EBF3: variants seen among roughly 807,000 people sequenced by gnomAD.
The protein encoded by EBF3 is EBF transcription factor 3.
Under a neutral mutation model 77.1 loss-of-function variants are expected in EBF3, and 18 were observed. The ratio of observed to expected loss-of-function variants is 0.23; its 90% CI spans 0.16 to 0.35. EBF3 has a LOEUF of 0.35. Among genes scored for constraint, EBF3 ranks in the 10% least tolerant of loss-of-function variants. The pLI, the probability that EBF3 is intolerant of heterozygous loss-of-function variation, is 1.00. For synonymous variants in EBF3, 350 were observed against 343.5 expected, an observed-to-expected ratio of 1.02 and a Z score of -0.21; for missense variants, 558 against 860.0, an observed-to-expected ratio of 0.65 and a Z score of 4.39.
chr10:129,888,263 C>G (rs1236698108), intron 6 of EBF3, among the ~76,000 whole-genome samples: 1 of 152,228 alleles, frequency 6.6e-6, no homozygotes, highest in African/African-American at 2.4e-5. Context: ...AGTCAACAGA[C>G]TGAAGGGCCC....
chr10:129,956,079 T>C (rs980908731), intron 6 of EBF3, among the ~76,000 whole-genome samples: 1 of 152,230 alleles, frequency 6.6e-6, no homozygotes, highest in Non-Finnish European at 1.5e-5. Context: ...ATTTGATTAC[T>C]AATAAGAGAG....
In EBF3 at chr10:129,943,991, C is replaced by A. The variant is rs180794068; in HGVS notation, c.554+13267G>T. On this transcript the variant is annotated intron_variant, in intron 6 of 16. Coordinates refer to ENST00000440978, the MANE Select transcript of EBF3 (RefSeq NM_001375380.1). The surrounding 1 kb of genome is among the most constrained non-coding windows in gnomAD (Gnocchi z 8.8). ...TCTCCCCAGACCTTCCCACCCTATG[C>A]GTGATTTCTGAGTTGATTAACATTT... Among the ~76,000 whole-genome samples the A allele has an allele frequency of 1.3e-5, 2 of 152,290 alleles. No homozygotes were observed. The highest frequency in any genetic ancestry group is 2.1e-4 in the South Asian group (1 of 4,830).
At chr10:129,893,409 A>G (rs1854154219) in intron 6 of EBF3, among the ~76,000 whole-genome samples, 1 of 152,230 alleles carries the variant, frequency 6.6e-6, no homozygotes, top group African/African-American at 2.4e-5. Context: ...TAATATGCAA[A>G]TTTTGTAAAA....
intron 6 of EBF3, among the ~76,000 whole-genome samples, chr10:129,905,568 C>T (rs1855084618): frequency 6.6e-6 from 1 of 152,134 alleles, no homozygotes; most frequent in South Asian, 2.1e-4. Flanking sequence ...TGGGTCTCTC[C>T]AAGGACTGAC....
chr10:129,916,124 G>A (rs141859614), intron 6 of EBF3, among the ~76,000 whole-genome samples: 347 of 152,300 alleles, frequency 2.3e-3, no homozygotes, highest in African/African-American at 7.8e-3. Context: ...GGGCAGGGCC[G>A]GCCCTCACTG....
chr10:129,875,186 TC>T (rs1391944184), intron 7 of EBF3, among the ~76,000 whole-genome samples: 12 of 140,494 alleles, frequency 8.5e-5, no homozygotes, highest in East Asian at 2.0e-4. Flanking sequence ...GATGGCTTCT[TC>T]TTTTTTTTTT....
chr10:129,954,815 G>A lies in EBF3; in HGVS notation c.554+2443C>T, dbSNP rs12412505. Reference sequence around the variant, plus strand: ...AATGAGACACTGCTGATGGGGACCTGGAAACTGACTCCCCAGTCTGGTGGG... The same window carrying A: ...AATGAGACACTGCTGATGGGGACCTAGAAACTGACTCCCCAGTCTGGTGGG... On this transcript the variant is annotated intron_variant, in intron 6 of 16. Transcript: ENST00000440978. Among the ~76,000 whole-genome samples, 1,401 of 152,234 alleles carry A rather than the reference G, an allele frequency of 9.2e-3. 89 individuals carry two copies. The highest frequency in any genetic ancestry group is 0.079 in the Admixed American group (1,208 of 15,278).
Position 129,843,133 on chromosome 10 carries a change from C to T in EBF3, c.1194+4G>A. On this transcript the variant is annotated splice_donor_region_variant and intron_variant, in intron 12 of 16. Coordinates refer to ENST00000440978, the MANE Select transcript of EBF3 (RefSeq NM_001375380.1). ...ATGGGCGAGGGGAGCCGCCCTCCACCTACCTGGTTGTTGTGAGGCATTCCG... is the reference window on the plus strand; with the variant it reads ...ATGGGCGAGGGGAGCCGCCCTCCACTTACCTGGTTGTTGTGAGGCATTCCG... 6.2e-7 allele frequency: 1 copy of T among 1,613,004 alleles called. No individual in the cohort carries two copies. The highest frequency in any genetic ancestry group is 8.5e-7 in the Non-Finnish European group (1 of 1,179,346).
rs1007871702 is a variant in EBF3, at chr10:129,952,323, T to TA, written c.554+4934dup. Among the ~76,000 whole-genome samples, 8 of 152,352 alleles carry TA rather than the reference T, an allele frequency of 5.3e-5. No homozygotes were observed. The highest frequency in any genetic ancestry group is 1.9e-4 in the African/African-American group (8 of 41,582). ...GACAAGTTGTCATTTAAGAAGTTAA[T>TA]AAACAGTCTCCGTTTTGCAGGTTAT... is the stretch of plus-strand genomic sequence containing the variant. On this transcript the variant is annotated intron_variant, in intron 6 of 16. Transcript: ENST00000440978. This position sits in a 1 kb window ranked among gnomAD's most constrained non-coding sequence, Gnocchi z 4.7.
rs575851231 is a variant in EBF3 at position 129,837,908 on chromosome 10, C to T, written c.*35G>A. 4.1e-5 allele frequency: 66 copies of T among 1,614,060 alleles called. No homozygotes were observed. In the East Asian group the frequency reaches 6.5e-4, roughly 16 times the overall value. On this transcript the variant is annotated 3_prime_UTR_variant, in exon 17 of 17. Coordinates refer to ENST00000440978, the MANE Select transcript of EBF3 (RefSeq NM_001375380.1). ...GTCCGTCCTTTGATGCTGGGTGCTG[C>T]GGAAGGTAAACAGAAGTCCCTCACA...
intron 6 of EBF3, among the ~76,000 whole-genome samples, chr10:129,886,033 ATTTTTTTTTTTTTTTT>A (rs59542647): frequency 1.6e-5 from 2 of 126,294 alleles, no homozygotes; most frequent in East Asian, 2.7e-4. Context: ...TTTGGTTTTA[ATTTTTTTTTTTTTTTT>A]TTTTTTTTTT....
chr10:129,889,802 CAAAAAAAAA>C (rs57252162), intron 6 of EBF3, among the ~76,000 whole-genome samples: 1 of 114,918 alleles, frequency 8.7e-6, no homozygotes, highest in Admixed American at 9.1e-5. Flanking sequence ...GTCACATCTG[CAAAAAAAAA>C]AAAAAAAAAT....
intron 6 of EBF3, among the ~76,000 whole-genome samples, chr10:129,924,558 T>C (rs564655518): frequency 2.0e-5 from 3 of 152,042 alleles, no homozygotes; most frequent in Non-Finnish European, 4.4e-5. Context: ...GAAAATAGTA[T>C]GGCAGCTCCT....
intron 7 of EBF3, among the ~76,000 whole-genome samples, chr10:129,876,044 T>A (rs1178311913): frequency 6.6e-6 from 1 of 152,250 alleles, no homozygotes; most frequent in Non-Finnish European, 1.5e-5. Flanking sequence ...AAAAAGTTTT[T>A]AAAGACACAG....
chr10:129,955,466 C>T (rs917965186), intron 6 of EBF3, among the ~76,000 whole-genome samples: 35 of 152,198 alleles, frequency 2.3e-4, no homozygotes, highest in Non-Finnish European at 2.9e-5. Flanking sequence ...CAAATAATCA[C>T]ACACTTCTCT....
chr10:129,941,579 G>T (rs1327662868), intron 6 of EBF3, among the ~76,000 whole-genome samples: 1 of 152,096 alleles, frequency 6.6e-6, no homozygotes, highest in Non-Finnish European at 1.5e-5. Flanking sequence ...GGTCAGGGGG[G>T]AGCCCTCCAG....
intron 6 of EBF3, among the ~76,000 whole-genome samples, chr10:129,911,492 T>A (rs1176468875): frequency 2.0e-5 from 3 of 152,030 alleles, no homozygotes; most frequent in Non-Finnish European, 4.4e-5. Context: ...CCCTCTTCCA[T>A]CCCATTTCAG....
In EBF3 at chr10:129,842,350, G is replaced by A. The variant is rs992668346; in HGVS notation, c.1195-57C>T. The A allele has an allele frequency of 6.2e-5, 94 of 1,523,362 alleles. No individual in the cohort carries two copies. The highest frequency in any genetic ancestry group is 7.5e-5 in the Non-Finnish European group (85 of 1,137,354). The allele number at this position is 1,523,362 out of a possible 1,614,324, so 94.4% of individuals were successfully genotyped here. On this transcript the variant is annotated intron_variant, in intron 12 of 16. Coordinates refer to ENST00000440978, the MANE Select transcript of EBF3 (RefSeq NM_001375380.1). This position sits in a 1 kb window ranked among gnomAD's most constrained non-coding sequence, Gnocchi z 4.4. Reference sequence around the variant, plus strand: ...CACCCCAGGCCCGGCCCAGCTGGCCGCACTCTCGGGGGCCCACCATGGTGG... The same window carrying A: ...CACCCCAGGCCCGGCCCAGCTGGCCACACTCTCGGGGGCCCACCATGGTGG...
At chr10:129,949,987 T>C (rs1032303494) in intron 6 of EBF3, among the ~76,000 whole-genome samples, 10 of 123,840 alleles carry the variant, frequency 8.1e-5, no homozygotes, top group Admixed American at 6.4e-4. Context: ...GAGGAAAATA[T>C]AGGCAGGAGG....
Sources: gnomAD v4.1 joint callset for allele counts (sites outside exome capture counted in the v4.1 genomes callset) on GRCh38, gnomAD v4.1.1 for gene constraint, Gnocchi (gnomAD v3.1) non-coding constraint, MANE v1.5 for transcripts, NCBI Gene and HGNC (gene_info 2026-07-23, HGNC 2026-07-21) for gene names.